UBA2: variants seen among roughly 807,000 people sequenced by gnomAD.
The protein encoded by UBA2 is ubiquitin like modifier activating enzyme 2, also known as SUMO-activating enzyme subunit 2.
UBA2 carries 11 observed loss-of-function variants against 77.2 expected under a neutral mutation model. The ratio of observed to expected loss-of-function variants is 0.14; its 90% CI spans 0.09 to 0.24. The LOEUF (loss-of-function observed/expected upper bound fraction) is 0.24, where lower values mean the gene tolerates loss of function less well. UBA2 is among the 10% of genes least tolerant of loss of function. The pLI, the probability that UBA2 is intolerant of heterozygous loss-of-function variation, is 1.00. For synonymous variants in UBA2, 278 were observed against 276.7 expected (o/e 1.00, Z -0.05); for missense variants, 487 against 781.7 (o/e 0.62, Z 4.50).
chr19:34,466,342 A>G (rs944511103), intron 15 of UBA2, among the ~76,000 whole-genome samples: 2 of 152,186 alleles, frequency 1.3e-5, no homozygotes, highest in Non-Finnish European at 2.9e-5. Flanking sequence ...TCTCGAAAAA[A>G]AGAAAAAGAT....
At chr19:34,442,673 C>T (rs1315190960) in intron 6 of UBA2, among the ~76,000 whole-genome samples, 1 of 152,090 alleles carries the variant, frequency 6.6e-6, no homozygotes, top group Admixed American at 6.6e-5. Flanking sequence ...TCGGTTGATC[C>T]ACCCGCCTCG....
intron 8 of UBA2, among the ~76,000 whole-genome samples, chr19:34,449,710 A>C (rs1351888261): frequency 6.6e-6 from 1 of 152,100 alleles, no homozygotes; most frequent in Non-Finnish European, 1.5e-5. Context: ...GGGGGTTTTT[A>C]CATTTTATTT....
At chr19:34,436,540 C>G (rs923930809) in intron 5 of UBA2, among the ~76,000 whole-genome samples, 1 of 152,174 alleles carries the variant, frequency 6.6e-6, no homozygotes, top group African/African-American at 2.4e-5. Context: ...CTCAGGTGAT[C>G]CACCTGCCTC....
In UBA2 at chr19:34,450,245, A is replaced by G. The variant is rs1555729492; in HGVS notation, c.772-20A>G. 3.8e-6 allele frequency: 6 copies of G among 1,559,476 alleles called. No homozygotes were observed. In the Admixed American group the frequency reaches 8.7e-5, roughly 23 times the overall value. Reference sequence around the variant, plus strand: ...AATTAGGGATTATGGGGTTCATGGGATCTGTCTTTCTTTTGTAAGCTTTTT... The same window carrying G: ...AATTAGGGATTATGGGGTTCATGGGGTCTGTCTTTCTTTTGTAAGCTTTTT... On this transcript the variant is annotated intron_variant, in intron 8 of 16. Transcript: ENST00000246548.
At chr19:34,454,616 T>A in intron 12 of UBA2, 60 bp downstream of exon 12, 1 of 803,984 alleles carries the variant, frequency 1.2e-6, no homozygotes, top group Non-Finnish European at 1.9e-6. Context: ...TAATTAAAAG[T>A]ACATTAAACA....
intron 7 of UBA2, 36 bp downstream of exon 7, chr19:34,443,947 C>T (rs1349517017): frequency 7.2e-7 from 1 of 1,393,254 alleles, no homozygotes; most frequent in African/African-American, 1.4e-5. Flanking sequence ...TTATCAGATA[C>T]TATTATCTTT....
At chr19:34,446,927 C>T (rs1568375178) in intron 8 of UBA2, among the ~76,000 whole-genome samples, 4 of 152,142 alleles carry the variant, frequency 2.6e-5, no homozygotes, top group Admixed American at 2.0e-4. Flanking sequence ...TTTCTTATCC[C>T]TATTGCATTT....
chr19:34,444,013 G>A, intron 7 of UBA2, 102 bp downstream of exon 7: 1 of 526,574 alleles, frequency 1.9e-6, no homozygotes, highest in Non-Finnish European at 3.4e-6. Flanking sequence ...TATGTGCTAG[G>A]TAATGTGTGT....
In UBA2 at chr19:34,433,828, T is replaced by C. The variant is rs537048553; in HGVS notation, c.358+416T>C. 4.6e-5 allele frequency among the ~76,000 whole-genome samples: 7 copies of C among 152,228 alleles called. No homozygotes were observed. The South Asian group carries it at 1.2e-3, about 27-fold the overall frequency. Reference sequence around the variant, plus strand: ...ACAAAAATTAGCCGGTGTGGTGGCATGTGCCTGTAGTCCCAGCTTCTCCGG... The same window carrying C: ...ACAAAAATTAGCCGGTGTGGTGGCACGTGCCTGTAGTCCCAGCTTCTCCGG... On this transcript the variant is annotated intron_variant, in intron 4 of 16. Coordinates refer to ENST00000246548, the MANE Select transcript of UBA2 (RefSeq NM_005499.3).
At chr19:34,446,464 T>G (rs1460647014) in intron 8 of UBA2, among the ~76,000 whole-genome samples, 3 of 152,184 alleles carry the variant, frequency 2.0e-5, no homozygotes, top group African/African-American at 7.2e-5. Flanking sequence ...GTGTCTCGGA[T>G]CTTTTTTTTC....
chr19:34,456,153 G>C (rs1381323988), intron 12 of UBA2, among the ~76,000 whole-genome samples: 4 of 126,276 alleles, frequency 3.2e-5, no homozygotes, highest in African/African-American at 1.2e-4. Flanking sequence ...CACCCAGGCT[G>C]GAGTACAGTG....
intron 12 of UBA2, among the ~76,000 whole-genome samples, chr19:34,454,952 T>C (rs2075542122): frequency 6.6e-6 from 1 of 152,242 alleles, no homozygotes. Flanking sequence ...GTATAGTTTT[T>C]GATAATGTTA....
At chr19:34,451,579 G>T (rs928697517) in intron 9 of UBA2, among the ~76,000 whole-genome samples, 3 of 99,868 alleles carry the variant, frequency 3.0e-5, no homozygotes, top group African/African-American at 1.2e-4. Flanking sequence ...ACAGAGTCTT[G>T]CTCTGTCGCC....
Position 34,440,724 on chromosome 19 carries a change from C to G in UBA2, c.581+1958C>G, listed in dbSNP as rs112704483. ...GGTGGATCACCTGAGGTCAGGAGTT[C>G]AAGACCAACTTGGCCAATATGGCGA... On this transcript the variant is annotated intron_variant, in intron 6 of 16. Transcript: ENST00000246548. 1.9e-3 allele frequency among the ~76,000 whole-genome samples: 285 copies of G among 152,220 alleles called. 1 individual carries two copies. Among genetic ancestry groups the G allele is most frequent in the Middle Eastern group, 3.4e-3 (1 of 294 alleles).
chr19:34,437,481 G>A (rs2075321870), intron 5 of UBA2, among the ~76,000 whole-genome samples: 1 of 151,236 alleles, frequency 6.6e-6, no homozygotes. Context: ...GTGGTGGCAC[G>A]CACCTGTAAT....
chr19:34,445,276 G>T (rs2075415808), intron 8 of UBA2, among the ~76,000 whole-genome samples, 155 bp downstream of exon 8: 1 of 151,756 alleles, frequency 6.6e-6, no homozygotes, highest in South Asian at 2.1e-4. Flanking sequence ...ATGCAGTCAG[G>T]ATATGCAAGT....
intron 12 of UBA2, 136 bp from the exon 13 acceptor site, chr19:34,458,633 C>T: frequency 5.8e-6 from 3 of 516,738 alleles, no homozygotes; most frequent in South Asian, 4.1e-5. Context: ...TCATGATTTT[C>T]CTGATCCATT....
At chr19:34,435,062 G>T in intron 5 of UBA2, 94 bp downstream of exon 5, 1 of 892,760 alleles carries the variant, frequency 1.1e-6, no homozygotes, top group South Asian at 1.6e-5. Flanking sequence ...AAAATGAACA[G>T]GTGAACATCC....
At chr19:34,459,061 C>G (rs1037751768) in intron 13 of UBA2, 137 bp downstream of exon 13, 4 of 901,312 alleles carry the variant, frequency 4.4e-6, no homozygotes, top group Non-Finnish European at 6.4e-6. Context: ...ATTTTGCCTT[C>G]TGGATTCCTG....
Sources: allele counts gnomAD v4.1 joint callset (sites outside exome capture counted in the v4.1 genomes callset), GRCh38; gene constraint gnomAD v4.1.1; transcripts MANE v1.5; gene names NCBI Gene and HGNC (gene_info 2026-07-23, HGNC 2026-07-21).